IHO1: variants seen among roughly 807,000 people sequenced by gnomAD.
The protein encoded by IHO1 is interactor of HORMAD1 protein 1.
IHO1 carries 13 observed loss-of-function variants against 31.0 expected under a neutral mutation model. That is an observed-to-expected ratio of 0.42 (90% CI 0.27 to 0.67). The LOEUF (loss-of-function observed/expected upper bound fraction) is 0.67, where lower values mean the gene tolerates loss of function less well. IHO1 is among the 30% of genes least tolerant of loss of function. The probability of loss-of-function intolerance (pLI) is 0.24; values close to 1 mark genes in which losing one functional copy is unlikely to be tolerated. For missense variants in IHO1, 599 were observed against 687.5 expected, an observed-to-expected ratio of 0.87 and a Z score of 1.44; for synonymous variants, 221 against 248.4, an observed-to-expected ratio of 0.89 and a Z score of 1.04.
intron 2 of IHO1, among the ~76,000 whole-genome samples, chr3:49,222,513 A>T (rs1179666513): frequency 6.6e-6 from 1 of 152,158 alleles, no homozygotes; most frequent in African/African-American, 2.4e-5. Context: ...AAGATAGAAA[A>T]AAGGTTGATG....
At chr3:49,207,038 ACT>A (rs1458590382) in intron 1 of IHO1, among the ~76,000 whole-genome samples, 1 of 131,914 alleles carries the variant, frequency 7.6e-6, no homozygotes, top group Non-Finnish European at 1.6e-5. Context: ...ACAGAGCAAG[ACT>A]CTGTCTCAAA....
At chr3:49,214,655 T>TTTTTTTTTTC (rs2046266763) in intron 2 of IHO1, among the ~76,000 whole-genome samples, 1 of 114,284 alleles carries the variant, frequency 8.8e-6, no homozygotes, top group Non-Finnish European at 1.8e-5. Flanking sequence ...TTTTTTTTTT[T>TTTTTTTTTTC]TGAGACGGAG....
chr3:49,255,291 C>T, intron 6 of IHO1, 99 bp from the exon 7 acceptor site: 1 of 782,126 alleles, frequency 1.3e-6, no homozygotes, highest in Non-Finnish European at 2.0e-6. Context: ...GGTCTGCATC[C>T]AGCTCCTCCC....
At chr3:49,192,683 G>T in the IHO1 span, among the ~76,000 whole-genome samples, 2 of 152,150 alleles carry the variant, frequency 1.3e-5, no homozygotes, top group Admixed American at 1.3e-4. Flanking sequence ...AATCGCTTGA[G>T]CCCAGGAGTT....
chr3:49,201,287 C>T (rs1223598118), intron 1 of IHO1, among the ~76,000 whole-genome samples: 6 of 151,664 alleles, frequency 4.0e-5, no homozygotes, highest in Non-Finnish European at 7.4e-5. Context: ...ACCACCGCAC[C>T]CGGCCATTTA....
intron 6 of IHO1, among the ~76,000 whole-genome samples, chr3:49,250,400 T>A (rs934061030): frequency 6.6e-6 from 1 of 152,212 alleles, no homozygotes; most frequent in Non-Finnish European, 1.5e-5. Context: ...TATGTTGCCC[T>A]GGGGACAAGA....
upstream of IHO1, among the ~76,000 whole-genome samples, chr3:49,194,246 C>CA (rs1441419229): frequency 7.9e-6 from 1 of 126,608 alleles, no homozygotes; most frequent in Non-Finnish European, 1.6e-5. Context: ...CCAGTCTAGG[C>CA]AATGAGAGGG....
rs527461211 is a variant in IHO1, at chr3:49,209,307, G to A, written c.-15-2459G>A. Among the ~76,000 whole-genome samples, 9 of 152,254 alleles carry A rather than the reference G, an allele frequency of 5.9e-5. No homozygotes were observed. The South Asian group carries it at 1.9e-3, about 32-fold the overall frequency. On this transcript the variant is annotated intron_variant, in intron 1 of 7. Coordinates refer to ENST00000452691, the MANE Select transcript of IHO1 (RefSeq NM_001135197.2). ...CTCACCCCTTTGATGCTGGCACACTGTCAGATACCTGGAACTATAAGGGCC... is the reference window on the plus strand; with the variant it reads ...CTCACCCCTTTGATGCTGGCACACTATCAGATACCTGGAACTATAAGGGCC...
rs554875451 is a variant in IHO1 at position 49,242,676 on chromosome 3, G to T, written c.395+1287G>T. 2.0e-5 allele frequency among the ~76,000 whole-genome samples: 3 copies of T among 152,072 alleles called. 1 individual carries two copies. In the Middle Eastern group the frequency reaches 0.01, roughly 517 times the overall value. ...AGAATGTGGCCAGGCACGGTGGCGG[G>T]TGCCTGTAATCCCAGCTACTCAGGA... On this transcript the variant is annotated intron_variant, in intron 4 of 7. Coordinates refer to ENST00000452691, the MANE Select transcript of IHO1 (RefSeq NM_001135197.2).
intron 6 of IHO1, 137 bp from the exon 7 acceptor site, chr3:49,255,253 G>C (rs1363417869): frequency 7.2e-6 from 4 of 555,264 alleles, no homozygotes; most frequent in Non-Finnish European, 1.3e-5. Flanking sequence ...CAAGGAGGGA[G>C]GGAAGGAGAG....
chr3:49,246,529 T>C (rs983609117), intron 6 of IHO1, among the ~76,000 whole-genome samples: 1 of 151,884 alleles, frequency 6.6e-6, no homozygotes, highest in Non-Finnish European at 1.5e-5. Context: ...ACACCTGTAA[T>C]CCCAGCTACT....
chr3:49,228,562 A>G (rs1191058306), intron 2 of IHO1, among the ~76,000 whole-genome samples: 1 of 152,320 alleles, frequency 6.6e-6, no homozygotes, highest in Non-Finnish European at 1.5e-5. Flanking sequence ...TATTCCTTCC[A>G]GTGGGTTCTT....
At chr3:49,200,687 CCTTTTATG>C (rs1327513531) in intron 1 of IHO1, 2 of 412,890 alleles carry the variant, frequency 4.8e-6, no homozygotes, top group Non-Finnish European at 6.5e-6. Flanking sequence ...CTTTTTCTCC[CCTTTTATG>C]CTTCCTTTAA....
rs142833565 is a variant in IHO1, at chr3:49,226,902, C to T, written c.57-9646C>T. Among the ~76,000 whole-genome samples, 281 of 152,258 alleles carry T rather than the reference C, an allele frequency of 1.8e-3. 6 individuals carry two copies. The highest frequency in any genetic ancestry group is 6.8e-3 in the Middle Eastern group (2 of 294). On this transcript the variant is annotated intron_variant, in intron 2 of 7. Coordinates refer to ENST00000452691, the MANE Select transcript of IHO1 (RefSeq NM_001135197.2). ...TACCTGGGTTGGGCCAAATTCCCCT[C>T]CCCCTACAGCTTGAAGGGGACGTAA... is the stretch of plus-strand genomic sequence containing the variant.
At chr3:49,226,242 G>A (rs1008564775) in intron 2 of IHO1, among the ~76,000 whole-genome samples, 17 of 151,842 alleles carry the variant, frequency 1.1e-4, no homozygotes, top group South Asian at 4.2e-4. Flanking sequence ...TCCCTACACC[G>A]AGGTAGCCAG....
chr3:49,216,474 A>T (rs1411841485), intron 2 of IHO1, among the ~76,000 whole-genome samples: 2 of 152,122 alleles, frequency 1.3e-5, no homozygotes, highest in Non-Finnish European at 2.9e-5. Context: ...GGCTCCTGTA[A>T]TCCCAGCTAC....
chr3:49,220,962 C>T (rs562961946), intron 2 of IHO1, among the ~76,000 whole-genome samples: 24 of 152,336 alleles, frequency 1.6e-4, no homozygotes, highest in African/African-American at 3.8e-4. Flanking sequence ...AACGGGTTGC[C>T]GCTGCTGGCT....
In IHO1 at chr3:49,216,451, G is replaced by A. The variant is rs562680818; in HGVS notation, c.56+4615G>A. Among the ~76,000 whole-genome samples the A allele has an allele frequency of 5.3e-5, 8 of 152,236 alleles. No individual in the cohort carries two copies. In the East Asian group the frequency reaches 5.8e-4, roughly 11 times the overall value. ...TTACCAAAAAATACAAAAATTAGCC[G>A]GGTGTGGTGGTGGGCTCCTGTAATC... On this transcript the variant is annotated intron_variant, in intron 2 of 7. Transcript: ENST00000452691.
At chr3:49,246,732 A>G (rs1306254517) in intron 6 of IHO1, among the ~76,000 whole-genome samples, 5 of 152,198 alleles carry the variant, frequency 3.3e-5, no homozygotes, top group Non-Finnish European at 5.9e-5. Context: ...ATCCCAGAAA[A>G]GGGAAAGGAA....
Sources: gnomAD v4.1 joint callset for allele counts (sites outside exome capture counted in the v4.1 genomes callset) on GRCh38, gnomAD v4.1.1 for gene constraint, MANE v1.5 for transcripts, NCBI Gene and HGNC (gene_info 2026-07-23, HGNC 2026-07-21) for gene names.